Variants in ACER1 observed in about 807,000 individuals in gnomAD.
The protein encoded by ACER1 is alkaline ceramidase 1, also known as CTB-180A7.3.
A neutral mutation model predicts 24.9 loss-of-function variants in ACER1; 28 were observed. The observed-to-expected ratio is 1.13, with a 90% CI of 0.83 to 1.54. The LOEUF (loss-of-function observed/expected upper bound fraction) is 1.54, where lower values mean the gene tolerates loss of function less well. Among genes scored for constraint, ACER1 ranks in the 40% most tolerant of loss-of-function variants. ACER1 has a pLI of 0.00. For synonymous variants in ACER1, 132 were observed against 131.4 expected (o/e 1.00, Z -0.03); for missense variants, 352 against 349.3 (o/e 1.01, Z -0.06).
upstream of ACER1, among the ~76,000 whole-genome samples, chr19:6,335,906 C>CTTTTCTTTTT (rs1555717055): frequency 1.4e-5 from 2 of 141,556 alleles, no homozygotes; most frequent in Admixed American, 7.1e-5. Context: ...TTTTTCTTTT[C>CTTTTCTTTTT]TTTTTTTTTT....
chr19:6,340,330 AGG>A, the ACER1 span, among the ~76,000 whole-genome samples: 1 of 141,810 alleles, frequency 7.1e-6, no homozygotes, highest in African/African-American at 2.6e-5. Context: ...GAAGGAAGGA[AGG>A]AAGGAAGGAA....
chr19:6,309,936 G>A, intron 3 of ACER1, 102 bp from the exon 4 acceptor site: 2 of 1,441,468 alleles, frequency 1.4e-6, no homozygotes, highest in Non-Finnish European at 1.9e-6. Context: ...GAAAAGGACA[G>A]GATTCTGGGG....
the ACER1 span, among the ~76,000 whole-genome samples, chr19:6,351,928 C>T: frequency 2.6e-5 from 4 of 151,206 alleles, no homozygotes; most frequent in African/African-American, 7.3e-5. Flanking sequence ...TGGTGGTGGG[C>T]GCCTGTCGTC....
At chr19:6,338,253 A>G (rs1219386182), upstream of ACER1, among the ~76,000 whole-genome samples, 1 of 152,138 alleles carries the variant, frequency 6.6e-6, no homozygotes, top group Non-Finnish European at 1.5e-5. Flanking sequence ...TCGCCTCCCA[A>G]GTTGCTGGGA....
upstream of ACER1, among the ~76,000 whole-genome samples, chr19:6,338,601 G>A (rs1328811040): frequency 6.6e-6 from 1 of 151,882 alleles, no homozygotes; most frequent in East Asian, 1.9e-4. Flanking sequence ...TTTTTTTAAT[G>A]TGTTTGATAG....
upstream of ACER1, among the ~76,000 whole-genome samples, chr19:6,336,158 C>T (rs148828010): frequency 5.3e-3 from 808 of 152,140 alleles, 3 homozygotes; most frequent in African/African-American, 0.018. Context: ...GTCTCGGCTT[C>T]CCAAAGTGCT....
chr19:6,333,493 T>C lies in ACER1; in HGVS notation c.59A>G (p.Gln20Arg). ...SEVDWCESNF[Q>R]YSELVAEFYN... Reference sequence around the variant, plus strand: ...GAACTCGGCCACCAGCTCCGAGTACTGGAAGTTGCTCTCACACCAGTCCAC... The same window carrying C: ...GAACTCGGCCACCAGCTCCGAGTACCGGAAGTTGCTCTCACACCAGTCCAC... Residue 20 changes from glutamine to arginine, a missense_variant, in exon 1 of 6, where the codon CAG becomes CGG. Physicochemically the swap from Gln to Arg is conservative, Grantham distance 43. Coordinates refer to ENST00000301452, the MANE Select transcript of ACER1 (RefSeq NM_133492.3). The C allele has an allele frequency of 6.3e-7, 1 of 1,592,508 alleles. No individual in the cohort carries two copies. Among genetic ancestry groups the C allele is most frequent in the South Asian group, 1.1e-5 (1 of 87,862 alleles).
At chr19:6,331,721 G>A (rs2091687960) in intron 1 of ACER1, among the ~76,000 whole-genome samples, 1 of 151,706 alleles carries the variant, frequency 6.6e-6, no homozygotes, top group Non-Finnish European at 1.5e-5. Context: ...TTGAACGCGG[G>A]AGGCAGAGGT....
In ACER1 at chr19:6,309,766, G is replaced by A. The variant is rs778545460; in HGVS notation, c.419C>T (p.Thr140Met). The change falls in exon 4 of 6, where the codon ACG becomes ATG. Residue 140 changes from threonine to methionine, a missense_variant. By Grantham distance (81) the Thr-to-Met change is moderately conservative (BLOSUM62 -1). Coordinates refer to ENST00000301452, the MANE Select transcript of ACER1 (RefSeq NM_133492.3). ...GCTGTTGAGGGCGTAGGCGTTGACC[G>A]TGGGCCGCAGGAAGGACAGAAGGGT... ...VSTLLSFLRP[T>M]VNAYALNSIA... The A allele has an allele frequency of 1.4e-5, 23 of 1,614,008 alleles. No individual in the cohort carries two copies. Among genetic ancestry groups the A allele is most frequent in the Admixed American group, 1.0e-4 (6 of 59,980 alleles).
intron 1 of ACER1, among the ~76,000 whole-genome samples, chr19:6,314,467 C>T (rs1265696359): frequency 7.0e-6 from 1 of 142,694 alleles, no homozygotes; most frequent in African/African-American, 2.8e-5. Context: ...AAGACTTCAC[C>T]TCAAAAAAAA....
upstream of ACER1, among the ~76,000 whole-genome samples, chr19:6,336,089 C>T (rs567830757): frequency 1.1e-4 from 17 of 151,786 alleles, no homozygotes; most frequent in East Asian, 2.6e-3. Flanking sequence ...TTAGTAGAGA[C>T]GGGGTTTCAC....
chr19:6,339,216 A>T, the ACER1 span, among the ~76,000 whole-genome samples: 9 of 152,166 alleles, frequency 5.9e-5, no homozygotes, highest in African/African-American at 2.2e-4. Context: ...TTAGATTTTT[A>T]ATTAATACAT....
chr19:6,333,236 C>T (rs962135637), intron 1 of ACER1, among the ~76,000 whole-genome samples: 1 of 152,156 alleles, frequency 6.6e-6, no homozygotes, highest in Non-Finnish European at 1.5e-5. Flanking sequence ...GAGACCGGTT[C>T]TTTTCCTGGC....
intron 1 of ACER1, among the ~76,000 whole-genome samples, chr19:6,320,046 T>C (rs2091622252): frequency 7.0e-6 from 1 of 143,762 alleles, no homozygotes; most frequent in Admixed American, 7.5e-5. Context: ...GAGGCTGCAG[T>C]GAGCTGAGAT....
At chr19:6,358,421 C>T in the ACER1 span, among the ~76,000 whole-genome samples, 1 of 152,266 alleles carries the variant, frequency 6.6e-6, no homozygotes, top group East Asian at 1.9e-4. Context: ...TTCTATCTCC[C>T]CATCGGACTG....
upstream of ACER1, chr19:6,333,744 A>G (rs2091701463): frequency 1.8e-6 from 1 of 541,342 alleles, no homozygotes. Flanking sequence ...AGCCCTGAGC[A>G]TAAGCCGTGG....
At chr19:6,348,556 G>A in the ACER1 span, among the ~76,000 whole-genome samples, 8,996 of 151,754 alleles carry the variant, frequency 0.059, 388 homozygotes, top group African/African-American at 0.12. Context: ...TGATGAGAGG[G>A]AAAAAATCTT....
At chr19:6,355,688 A>G in the ACER1 span, among the ~76,000 whole-genome samples, 30 of 98,068 alleles carry the variant, frequency 3.1e-4, no homozygotes, top group South Asian at 1.1e-3. Context: ...CTGCCCGGCC[A>G]CCCCTACTGG....
intron 4 of ACER1, 107 bp from the exon 5 acceptor site, chr19:6,307,397 G>A: frequency 7.5e-7 from 1 of 1,341,944 alleles, no homozygotes; most frequent in East Asian, 2.4e-5. Flanking sequence ...GTTGGGAGAA[G>A]GGAAAGAGCA....
Sources: gnomAD v4.1 joint callset for allele counts (sites outside exome capture counted in the v4.1 genomes callset) on GRCh38, gnomAD v4.1.1 for gene constraint, MANE v1.5 for transcripts, NCBI Gene and HGNC (gene_info 2026-07-23, HGNC 2026-07-21) for gene names.